BLTP1: variants seen among roughly 807,000 people sequenced by gnomAD.
The protein encoded by BLTP1 is bridge-like lipid transfer protein family member 1, also known as fragile site-associated protein.
chr4:122,277,490 C>G, the BLTP1 span: 1 of 977,872 alleles, frequency 1.0e-6, no homozygotes, highest in Non-Finnish European at 1.2e-6. Flanking sequence ...TCTGCTCTTT[C>G]ATTTCACAAA....
the BLTP1 span, chr4:122,262,942 G>T: frequency 1.2e-6 from 2 of 1,614,002 alleles, no homozygotes; most frequent in South Asian, 1.1e-5. Flanking sequence ...ACTCCTCAGA[G>T]AAGCAGTGCT....
At chr4:122,189,888 T>G in the BLTP1 span, 1 of 1,464,282 alleles carries the variant, frequency 6.8e-7, no homozygotes, top group Non-Finnish European at 9.0e-7. Flanking sequence ...GTTATGTGCT[T>G]GTTAGTTTTT....
At chr4:122,314,292 A>C in the BLTP1 span, among the ~76,000 whole-genome samples, 1,669 of 152,278 alleles carry the variant, frequency 0.011, 13 homozygotes, top group Non-Finnish European at 0.017. Flanking sequence ...ATATAAAAAA[A>C]AAGATGGAAA....
chr4:122,270,746 A>G, the BLTP1 span, among the ~76,000 whole-genome samples: 1 of 152,132 alleles, frequency 6.6e-6, no homozygotes, highest in Non-Finnish European at 1.5e-5. Context: ...AAGTTGTGTT[A>G]TCACTTCAGT....
chr4:122,271,946 T>C, the BLTP1 span, among the ~76,000 whole-genome samples: 2 of 152,144 alleles, frequency 1.3e-5, no homozygotes, highest in African/African-American at 4.8e-5. Context: ...TTAAAGGATT[T>C]AGACAGACCT....
the BLTP1 span, chr4:122,339,385 C>T: frequency 6.2e-7 from 1 of 1,612,024 alleles, no homozygotes; most frequent in Non-Finnish European, 8.5e-7. Flanking sequence ...ACAAAGACTT[C>T]TGCTAGCAAA....
At chr4:122,329,357 G>GT in the BLTP1 span, among the ~76,000 whole-genome samples, 1 of 151,376 alleles carries the variant, frequency 6.6e-6, no homozygotes, top group African/African-American at 2.4e-5. Context: ...TGTGACTTAA[G>GT]TTTTTTTGAT....
the BLTP1 span, chr4:122,263,714 T>C: frequency 1.6e-6 from 1 of 615,750 alleles, no homozygotes. Flanking sequence ...TTGAAATTGG[T>C]CCATTTATAT....
the BLTP1 span, among the ~76,000 whole-genome samples, chr4:122,218,392 T>TAG: frequency 6.6e-6 from 1 of 152,134 alleles, no homozygotes; most frequent in African/African-American, 2.4e-5. Context: ...CAATAGGGAA[T>TAG]AGAGGAAAAA....
At chr4:122,295,745 A>G in the BLTP1 span, among the ~76,000 whole-genome samples, 1 of 152,186 alleles carries the variant, frequency 6.6e-6, no homozygotes, top group African/African-American at 2.4e-5. Flanking sequence ...CTTATCCACC[A>G]CAATCAAGTG....
the BLTP1 span, among the ~76,000 whole-genome samples, chr4:122,160,369 T>C: frequency 6.6e-6 from 1 of 152,088 alleles, no homozygotes; most frequent in African/African-American, 2.4e-5. Context: ...TTAGGCCTTG[T>C]TGTGTCATGA....
the BLTP1 span, chr4:122,266,820 A>G: frequency 5.0e-6 from 8 of 1,609,210 alleles, no homozygotes; most frequent in Admixed American, 1.7e-5. Context: ...ACAGGGATCC[A>G]GTCACAGGAT....
chr4:122,215,301 T>C, the BLTP1 span: 2 of 891,584 alleles, frequency 2.2e-6, no homozygotes, highest in African/African-American at 3.6e-5. Flanking sequence ...ACTGTAATAA[T>C]CTACAGGAAT....
chr4:122,287,733 T>G, the BLTP1 span: 2 of 982,760 alleles, frequency 2.0e-6, no homozygotes, highest in African/African-American at 3.5e-5. Context: ...CTGCTTGCCC[T>G]GGAAGCTCTC....
chr4:122,311,446 C>T, the BLTP1 span, among the ~76,000 whole-genome samples: 1 of 151,996 alleles, frequency 6.6e-6, no homozygotes, highest in Non-Finnish European at 1.5e-5. Flanking sequence ...ATAAAATGGA[C>T]AAATTAGTTT....
the BLTP1 span, among the ~76,000 whole-genome samples, chr4:122,260,255 T>C: frequency 6.6e-6 from 1 of 152,202 alleles, no homozygotes. Context: ...TATGATATTA[T>C]AATCTTATGG....
the BLTP1 span, chr4:122,238,346 G>C: frequency 9.3e-6 from 15 of 1,613,108 alleles, no homozygotes; most frequent in Non-Finnish European, 1.3e-5. Flanking sequence ...TGATGGCCAA[G>C]CAAGGTCAGT....
chr4:122,246,597 A>T, the BLTP1 span: 2 of 1,455,232 alleles, frequency 1.4e-6, no homozygotes, highest in Non-Finnish European at 1.9e-6. Context: ...TGCCATTCTT[A>T]ACAGTAGTTT....
At chr4:122,171,944 C>A in the BLTP1 span, 1 of 984,762 alleles carries the variant, frequency 1.0e-6, no homozygotes, top group East Asian at 1.1e-4. Flanking sequence ...TCAGCAAATG[C>A]CTGTTGCCAT....
Sources: gnomAD v4.1 joint callset for allele counts (sites outside exome capture counted in the v4.1 genomes callset) on GRCh38, gnomAD v4.1.1 for gene constraint, MANE v1.5 for transcripts, NCBI Gene and HGNC (gene_info 2026-07-23, HGNC 2026-07-21) for gene names.